Variants in SELP observed in about 807,000 individuals in gnomAD.
SELP encodes P-selectin.
Under a neutral mutation model 104.1 loss-of-function variants are expected in SELP, and 92 were observed. The ratio of observed to expected loss-of-function variants is 0.88; its 90% CI spans 0.75 to 1.05. The LOEUF (loss-of-function observed/expected upper bound fraction) is 1.05. Ranked by LOEUF, SELP falls within the 50% of genes least tolerant of loss-of-function variation. The probability of loss-of-function intolerance (pLI) is 0.00; values close to 1 mark genes in which losing one functional copy is unlikely to be tolerated. For missense variants in SELP, 1,022 were observed against 1,017.3 expected, an observed-to-expected ratio of 1.00 and a Z score of -0.06; for synonymous variants, 397 against 364.5, an observed-to-expected ratio of 1.09 and a Z score of -1.01.
chr1:169,600,095 A>G (rs1661823963), intron 10 of SELP, among the ~76,000 whole-genome samples: 1 of 152,186 alleles, frequency 6.6e-6, no homozygotes, highest in Non-Finnish European at 1.5e-5. Flanking sequence ...AACCTCAAGC[A>G]CTGCTTAGGC....
At chr1:169,613,431 G>C (rs1357027534) in intron 4 of SELP, among the ~76,000 whole-genome samples, 155 bp downstream of exon 4, 1 of 152,196 alleles carries the variant, frequency 6.6e-6, no homozygotes, top group African/African-American at 2.4e-5. Flanking sequence ...TTTACCTAGA[G>C]TGTGTGTCTA....
At chr1:169,623,396 CTTGT>C (rs1464829667) in intron 1 of SELP, among the ~76,000 whole-genome samples, 3 of 152,172 alleles carry the variant, frequency 2.0e-5, no homozygotes, top group African/African-American at 4.8e-5. Context: ...CCTGCTTTGA[CTTGT>C]TTGTTTAAAC....
intron 10 of SELP, among the ~76,000 whole-genome samples, chr1:169,598,218 C>A (rs1219070526): frequency 6.6e-6 from 1 of 152,136 alleles, no homozygotes; most frequent in African/African-American, 2.4e-5. Flanking sequence ...CCCATTAATT[C>A]TCTAATATAA....
intron 1 of SELP, among the ~76,000 whole-genome samples, chr1:169,620,683 C>T (rs1244319912): frequency 6.6e-6 from 1 of 151,914 alleles, no homozygotes; most frequent in Non-Finnish European, 1.5e-5. Context: ...GTTCGTGTGT[C>T]ATGCCCCAGT....
In SELP at chr1:169,594,751, G is replaced by A. The variant is rs368392089; in HGVS notation, c.2228C>T (p.Ser743Phe). 1 of 1,613,832 alleles carries A rather than the reference G, an allele frequency of 6.2e-7. No homozygotes were observed. ...HCLEGQLLNG[S>F]AQTACQENGH... is the part of the protein sequence containing the mutation. The stretch of plus-strand genomic sequence containing the variant: ...ATTCTCTTGGCATGCTGTTTGTGCA[G>A]AGCCATTAAGTAACTGGCCCTCTAG... Residue 743 changes from serine to phenylalanine, a missense_variant, in exon 13 of 17, where the codon TCT becomes TTT. Transcript: ENST00000263686.
chr1:169,596,679 A>T (rs1661631180), intron 11 of SELP, among the ~76,000 whole-genome samples: 1 of 152,138 alleles, frequency 6.6e-6, no homozygotes, highest in Non-Finnish European at 1.5e-5. Flanking sequence ...TGGACCAGTG[A>T]CTCTACCCCA....
intron 14 of SELP, chr1:169,591,715 C>A (rs1661363321): frequency 3.3e-6 from 1 of 303,244 alleles, no homozygotes; most frequent in Non-Finnish European, 6.1e-6. Flanking sequence ...AAATCAATTT[C>A]TTTTGAGGGC....
At chr1:169,609,161 G>A (rs1055723555) in intron 8 of SELP, among the ~76,000 whole-genome samples, 2 of 152,062 alleles carry the variant, frequency 1.3e-5, no homozygotes, top group Non-Finnish European at 1.5e-5. Flanking sequence ...TTAAGGACAG[G>A]AAGTGACAGG....
chr1:169,611,612 C>T lies in SELP; in HGVS notation c.1027G>A (p.Ala343Thr), dbSNP rs752400735. 1.2e-6 allele frequency: 2 copies of T among 1,614,140 alleles called. No individual in the cohort carries two copies. The highest frequency in any genetic ancestry group is 1.1e-5 in the South Asian group (1 of 91,080). The change falls in exon 7 of 17, where the codon GCT (alanine) becomes ACT (threonine). Residue 343 changes from alanine (A) to threonine (T), a missense_variant. Physicochemically the swap from Ala to Thr is moderately conservative, Grantham distance 58 (BLOSUM62 0). Transcript: ENST00000263686. Reference sequence around the variant, plus strand: ...TTACAGCTGGAGCCATAGGCAAAAGCAGTGAGCGGATGAACACAGTCCATG... The same window carrying T: ...TTACAGCTGGAGCCATAGGCAAAAGTAGTGAGCGGATGAACACAGTCCATG... ...GTMDCVHPLT[A>T]FAYGSSCKFE...
At chr1:169,617,711 A>T (rs529869194) in intron 2 of SELP, among the ~76,000 whole-genome samples, 7 of 152,110 alleles carry the variant, frequency 4.6e-5, no homozygotes, top group Non-Finnish European at 7.4e-5. Context: ...CATCTAATTT[A>T]CTCCTGTCCT....
intron 3 of SELP, 24 bp downstream of exon 3, chr1:169,617,004 G>A: frequency 6.6e-7 from 1 of 1,526,382 alleles, no homozygotes; most frequent in Non-Finnish European, 8.8e-7. Flanking sequence ...TAACAGGAAA[G>A]TTTCAAAGTA....
At position 169,611,569 on chromosome 1, in the gene SELP, C is replaced by T. The variant is rs775924952; in HGVS notation, c.1070G>A (p.Gly357Asp). Residue 357 changes from glycine (G) to aspartate (D), a missense_variant, in exon 7 of 17, where the codon GGC (glycine) becomes GAC (aspartate). Physicochemically the swap from Gly to Asp is moderately conservative, Grantham distance 94. Coordinates refer to ENST00000263686, the MANE Select transcript of SELP (RefSeq NM_003005.4). ...CATGTCCAAGCCCCTCACTCTGTAG[C>T]CGGGCTGGCACTCAAATTTACAGCT... ...GSSCKFECQP[G>D]YRVRGLDMLR... 1.2e-6 allele frequency: 2 copies of T among 1,613,992 alleles called. No individual in the cohort carries two copies. The highest frequency in any genetic ancestry group is 1.3e-5 in the African/African-American group (1 of 74,882).
intron 10 of SELP, 94 bp from the exon 11 acceptor site, chr1:169,597,270 T>G (rs1374901199): frequency 9.0e-7 from 1 of 1,113,644 alleles, no homozygotes; most frequent in Non-Finnish European, 1.2e-6. Context: ...CAAAAAATAT[T>G]TATTAAGCAC....
intron 1 of SELP, among the ~76,000 whole-genome samples, chr1:169,623,720 C>T (rs1663244701): frequency 6.6e-6 from 1 of 152,174 alleles, no homozygotes; most frequent in Non-Finnish European, 1.5e-5. Context: ...AGATTCACCT[C>T]TTACAGGTTA....
In SELP at chr1:169,589,377, G is replaced by A. The variant is rs1045721356; in HGVS notation, c.*86C>T. 11 of 152,296 alleles carry A rather than the reference G, an allele frequency of 7.2e-5. 1 individual carries two copies. The highest frequency in any genetic ancestry group is 2.1e-4 in the South Asian group (1 of 4,816). The allele number at this position is 152,296 out of a possible 1,614,324, so 9.4% of individuals were successfully genotyped here. On this transcript the variant is annotated 3_prime_UTR_variant, in exon 17 of 17. Coordinates refer to ENST00000263686, the MANE Select transcript of SELP (RefSeq NM_003005.4). ...CACAATCCCAAACTCAGGAAACAGGGTTGGTCCAGAGCGGGTCCAACAGGC... is the reference window on the plus strand; with the variant it reads ...CACAATCCCAAACTCAGGAAACAGGATTGGTCCAGAGCGGGTCCAACAGGC...
At position 169,603,051 on chromosome 1, in the gene SELP, C is replaced by T. The variant is rs145174054; in HGVS notation, c.1680G>A (p.Trp560Ter). The T allele has an allele frequency of 2.2e-4, 354 of 1,613,574 alleles. No individual in the cohort carries two copies. The highest frequency in any genetic ancestry group is 2.8e-4 in the Non-Finnish European group (329 of 1,179,772). The change falls in exon 10 of 17, where the codon TGG (tryptophan) becomes TGA (stop). Residue 560 changes from tryptophan (W) to a stop codon, truncating the protein, a stop_gained. Transcript: ENST00000263686. LOFTEE classifies it high-confidence loss of function. ...CTTCACACATTGGTGGGGAGTCTGT[C>T]CAGCGTCCCGATCGAGTACAATCCA... Reference protein sequence around the residue: ...ERLDCTRSGRWTDSPPMCEAI... With the variant: ...ERLDCTRSGR
rs749384506 is a variant in SELP at position 169,603,207 on chromosome 1, A to G, written c.1524T>C (p.Ile508=). ...WNSVPPECQA[I]PCTPLLSPQN... ...GAGGGCTTAGCAAAGGTGTGCAGGG[A>G]ATGGCTATCATGGGCATGGCAGAGG... The change falls in exon 10 of 17, where the codon ATT becomes ATC. Residue 508 remains isoleucine (I), a synonymous_variant. Transcript: ENST00000263686. 5 of 1,610,224 alleles carry G rather than the reference A, an allele frequency of 3.1e-6. No individual in the cohort carries two copies. In the East Asian group the frequency reaches 8.9e-5, roughly 29 times the overall value.
At chr1:169,609,923 C>T (rs745627519) in intron 7 of SELP, among the ~76,000 whole-genome samples, 53 of 152,034 alleles carry the variant, frequency 3.5e-4, no homozygotes, top group Non-Finnish European at 5.6e-4. Context: ...CCTTAGGAAG[C>T]CCTCCCTTCC....
In SELP at chr1:169,603,159, A is replaced by T; in HGVS notation, c.1572T>A (p.Val524=). The T allele has an allele frequency of 6.2e-7, 1 of 1,614,108 alleles. No homozygotes were observed. The highest frequency in any genetic ancestry group is 8.5e-7 in the Non-Finnish European group (1 of 1,179,982). Residue 524 remains valine (V), a synonymous_variant, in exon 10 of 17, where the codon GTT becomes GTA. Transcript: ENST00000263686. The part of the protein sequence containing the change: ...LSPQNGTMTC[V]QPLGSSSYKS... ...TATAACTGGAACTTCCAAGAGGTTG[A>T]ACACAGGTCATTGTTCCATTCTGAG...
Sources: allele counts gnomAD v4.1 joint callset (sites outside exome capture counted in the v4.1 genomes callset), GRCh38; gene constraint gnomAD v4.1.1; transcripts MANE v1.5; gene names NCBI Gene and HGNC (gene_info 2026-07-23, HGNC 2026-07-21).